DIAPH2: variants seen among roughly 807,000 people sequenced by gnomAD.
DIAPH2 encodes the protein protein diaphanous homolog 2.
DIAPH2 carries 35 observed loss-of-function variants against 92.7 expected under a neutral mutation model. That is an observed-to-expected ratio of 0.38 (90% confidence interval 0.29 to 0.50). DIAPH2 has a LOEUF of 0.50. Ranked by LOEUF, DIAPH2 falls within the 20% of genes least tolerant of loss-of-function variation. The probability of loss-of-function intolerance (pLI) is 0.94; values close to 1 mark genes in which losing one functional copy is unlikely to be tolerated. For synonymous variants in DIAPH2, 301 were observed against 280.4 expected (o/e 1.07, Z -0.73); for missense variants, 701 against 819.5 (o/e 0.86, Z 1.77).
intron 26 of DIAPH2, among the ~76,000 whole-genome samples, chrX:97,593,712 A>C (rs55976527): frequency 0.01 from 1,166 of 111,652 alleles, 7 homozygotes; most frequent in Non-Finnish European, 0.017. Flanking sequence ...AACAAAGGAA[A>C]ATATTTCTAA....
intron 1 of DIAPH2, among the ~76,000 whole-genome samples, chrX:96,703,870 T>C (rs1436349029): frequency 8.9e-6 from 1 of 112,280 alleles, no homozygotes; most frequent in Non-Finnish European, 1.9e-5. Flanking sequence ...TCAAGTCCCC[T>C]ACTTAAGATA....
intron 4 of DIAPH2, among the ~76,000 whole-genome samples, chrX:96,817,661 T>C (rs1183192571): frequency 9.0e-6 from 1 of 110,831 alleles, no homozygotes; most frequent in Non-Finnish European, 1.9e-5. Context: ...GGTCGGGTTC[T>C]GGTGGTCTGG....
At chrX:97,239,683 C>T (rs1452962895) in intron 22 of DIAPH2, among the ~76,000 whole-genome samples, 1 of 111,032 alleles carries the variant, frequency 9.0e-6, no homozygotes, top group African/African-American at 3.3e-5. Flanking sequence ...TAAAGACCCC[C>T]TAGTTTATAT....
At chrX:96,941,695 T>A (rs999701215) in intron 12 of DIAPH2, among the ~76,000 whole-genome samples, 12 of 111,010 alleles carry the variant, frequency 1.1e-4, no homozygotes, top group African/African-American at 3.3e-4. Context: ...TAATGGCTCA[T>A]TTGTTTTTAT....
Position 96,972,827 on chromosome X carries a change from A to G in DIAPH2, c.2050+7620A>G, listed in dbSNP as rs147337414. The stretch of plus-strand genomic sequence containing the variant: ...GAGAATACCATCAGTAAAATGTTAA[A>G]AGAAAAACTTGAGACAAATCAAATT... On this transcript the variant is annotated intron_variant, in intron 17 of 26. Coordinates refer to ENST00000324765, the MANE Select transcript of DIAPH2 (RefSeq NM_006729.5). Among the ~76,000 whole-genome samples, 958 of 111,678 alleles carry G rather than the reference A, an allele frequency of 8.6e-3. 8 individuals carry two copies. The highest frequency in any genetic ancestry group is 0.019 in the Middle Eastern group (4 of 216).
intron 24 of DIAPH2, among the ~76,000 whole-genome samples, chrX:97,353,941 A>C: frequency 9.1e-6 from 1 of 110,444 alleles, no homozygotes. Context: ...CAGCCTCCTA[A>C]GTAACTAGGA....
At chrX:96,924,305 T>G (rs192118343) in intron 9 of DIAPH2, among the ~76,000 whole-genome samples, 1 of 112,158 alleles carries the variant, frequency 8.9e-6, no homozygotes. Flanking sequence ...ATTACTATAA[T>G]GGGAGGTTGT....
chrX:97,509,352 T>C lies in DIAPH2; in HGVS notation c.3241+79607T>C, dbSNP rs188149189. Among the ~76,000 whole-genome samples the C allele has an allele frequency of 5.2e-4, 57 of 109,380 alleles. No homozygotes were observed. In the Middle Eastern group the frequency reaches 0.024, roughly 45 times the overall value. 95.0% of individuals were successfully genotyped at this position (109,380 alleles called of 115,157 possible). On this transcript the variant is annotated intron_variant, in intron 26 of 26. Coordinates refer to ENST00000324765, the MANE Select transcript of DIAPH2 (RefSeq NM_006729.5). ...GTAAGCCACTGTGCCCAGCCCAAATTTATTTAATATACGTAAATTTTATGT... is the reference window on the plus strand; with the variant it reads ...GTAAGCCACTGTGCCCAGCCCAAATCTATTTAATATACGTAAATTTTATGT...
At chrX:96,741,054 C>T (rs1047272184) in intron 3 of DIAPH2, among the ~76,000 whole-genome samples, 1 of 109,370 alleles carries the variant, frequency 9.1e-6, no homozygotes, top group Admixed American at 9.9e-5. Flanking sequence ...TATCTGCATT[C>T]ATGTATCTGT....
At chrX:97,363,960 G>C (rs2069353970) in intron 24 of DIAPH2, among the ~76,000 whole-genome samples, 1 of 111,885 alleles carries the variant, frequency 8.9e-6, no homozygotes, top group Non-Finnish European at 1.9e-5. Flanking sequence ...CTGTCAGCTA[G>C]TTGATCTGAT....
intron 4 of DIAPH2, among the ~76,000 whole-genome samples, chrX:96,788,927 C>T (rs1226213896): frequency 1.8e-5 from 2 of 112,475 alleles, no homozygotes; most frequent in African/African-American, 6.5e-5. Context: ...AAATTCTTCT[C>T]TCTTTCACAC....
chrX:97,107,961 A>G (rs897659820), intron 20 of DIAPH2, among the ~76,000 whole-genome samples: 28 of 109,874 alleles, frequency 2.5e-4, no homozygotes, highest in Admixed American at 2.3e-3. Context: ...CCATGTGGCC[A>G]TCTCCTTTTC....
rs987872984 is a variant in DIAPH2 at position 96,781,865 on chromosome X, T to C, written c.447+23607T>C. 2.7e-5 allele frequency among the ~76,000 whole-genome samples: 3 copies of C among 111,032 alleles called. 1 individual carries two copies. The highest frequency in any genetic ancestry group is 9.8e-5 in the African/African-American group (3 of 30,609). On this transcript the variant is annotated intron_variant, in intron 4 of 26. Transcript: ENST00000324765. ...AGCAAAATAGTACACCAGATAACTG[T>C]TATGTGGTAATAGAGAGATTGAATT...
intron 24 of DIAPH2, among the ~76,000 whole-genome samples, chrX:97,360,457 C>A (rs1050800099): frequency 4.0e-4 from 35 of 88,490 alleles, no homozygotes; most frequent in South Asian, 6.0e-4. Context: ...ATTAAAAATA[C>A]AAAAAAAAAA....
intron 23 of DIAPH2, among the ~76,000 whole-genome samples, chrX:97,325,770 G>C (rs2068945951): frequency 9.1e-6 from 1 of 110,421 alleles, no homozygotes; most frequent in Non-Finnish European, 1.9e-5. Context: ...GTAGAGACGG[G>C]GTTTCACTGT....
intron 23 of DIAPH2, among the ~76,000 whole-genome samples, 168 bp from the exon 24 acceptor site, chrX:97,347,948 C>T (rs756353394): frequency 1.8e-5 from 2 of 111,693 alleles, no homozygotes; most frequent in South Asian, 3.8e-4. Flanking sequence ...GTTGTTTAAG[C>T]CACCTAATCT....
chrX:96,691,190 C>T (rs1200139660), intron 1 of DIAPH2, among the ~76,000 whole-genome samples: 1 of 111,559 alleles, frequency 9.0e-6, no homozygotes, highest in Non-Finnish European at 1.9e-5. Flanking sequence ...GTACCACTAG[C>T]ACTACAGGGG....
intron 4 of DIAPH2, among the ~76,000 whole-genome samples, chrX:96,785,522 C>A (rs1220682183): frequency 2.8e-5 from 1 of 35,094 alleles, no homozygotes; most frequent in Admixed American, 3.8e-4. Flanking sequence ...GCTCTTGTTG[C>A]CCAGGCACGA....
intron 3 of DIAPH2, among the ~76,000 whole-genome samples, chrX:96,740,300 T>A (rs2064111342): frequency 8.9e-6 from 1 of 112,236 alleles, no homozygotes; most frequent in South Asian, 3.7e-4. Flanking sequence ...ATTTTCTGAT[T>A]ACCTAGATAC....
Sources: allele counts gnomAD v4.1 joint callset (sites outside exome capture counted in the v4.1 genomes callset), GRCh38; gene constraint gnomAD v4.1.1; transcripts MANE v1.5; gene names NCBI Gene and HGNC (gene_info 2026-07-23, HGNC 2026-07-21).